The following GPHN variants were observed in gnomAD, a reference collection of about 807,000 sequenced individuals.
The protein encoded by GPHN is gephyrin.
In GPHN, 17 loss-of-function variants were observed where a neutral mutation model predicts 95.5. The observed-to-expected ratio is 0.18, with a 90% CI of 0.12 to 0.27. The LOEUF is 0.27. Ranked by LOEUF, GPHN falls within the 10% of genes least tolerant of loss-of-function variation. The pLI is 1.00. For missense variants in GPHN, 660 were observed against 978.1 expected (o/e 0.67, Z 4.34); for synonymous variants, 320 against 322.5 (o/e 0.99, Z 0.08).
At chr14:67,155,131 A>G (rs991138643) in intron 18 of GPHN, among the ~76,000 whole-genome samples, 6 of 152,182 alleles carry the variant, frequency 3.9e-5, no homozygotes, top group Admixed American at 3.3e-4. Context: ...AGGACCTGTT[A>G]TAGAGGAGGG....
intron 1 of GPHN, among the ~76,000 whole-genome samples, chr14:66,653,410 A>G (rs80326348): frequency 6.6e-6 from 1 of 152,292 alleles, no homozygotes; most frequent in African/African-American, 2.4e-5. Flanking sequence ...ATGTGGTTAA[A>G]ATATTTTCTA....
chr14:67,630,618 C>T, the GPHN span, among the ~76,000 whole-genome samples: 3 of 152,268 alleles, frequency 2.0e-5, no homozygotes, highest in Non-Finnish European at 4.4e-5. Flanking sequence ...CTCGCTCTGT[C>T]GCCCAGGCTG....
chr14:67,110,807 A>G (rs530014517), intron 14 of GPHN, among the ~76,000 whole-genome samples: 25 of 152,310 alleles, frequency 1.6e-4, no homozygotes, highest in African/African-American at 5.5e-4. Context: ...TAAGTCTGGA[A>G]AAAGCTGTGC....
the GPHN span, among the ~76,000 whole-genome samples, chr14:67,724,746 C>T: frequency 6.6e-6 from 1 of 152,194 alleles, no homozygotes; most frequent in Non-Finnish European, 1.5e-5. Flanking sequence ...GTGACACCAA[C>T]TTACACTGTG....
chr14:67,597,929 A>G, the GPHN span, among the ~76,000 whole-genome samples: 34 of 152,300 alleles, frequency 2.2e-4, no homozygotes, highest in Admixed American at 7.8e-4. Context: ...TGGAACTTTA[A>G]TAGAACTGTG....
the GPHN span, chr14:67,349,140 C>A: frequency 1.3e-6 from 2 of 1,595,770 alleles, no homozygotes; most frequent in South Asian, 2.2e-5. Flanking sequence ...TTAGCAGACT[C>A]TTCAGAAATA....
intron 2 of GPHN, among the ~76,000 whole-genome samples, chr14:66,760,133 C>T (rs185716910): frequency 7.2e-5 from 11 of 152,174 alleles, no homozygotes; most frequent in South Asian, 4.1e-4. Context: ...CCATTTCCCC[C>T]GGTAGAATGT....
chr14:67,347,140 C>T, the GPHN span, among the ~76,000 whole-genome samples: 1 of 152,096 alleles, frequency 6.6e-6, no homozygotes, highest in African/African-American at 2.4e-5. Flanking sequence ...CGTGCCACCA[C>T]ACCTGGCTGA....
At chr14:67,309,618 C>T in the GPHN span, among the ~76,000 whole-genome samples, 1 of 152,146 alleles carries the variant, frequency 6.6e-6, no homozygotes, top group African/African-American at 2.4e-5. Flanking sequence ...GGAAAAGCAT[C>T]TCTGGGTGAT....
At chr14:67,172,490 A>G (rs1378387920) in intron 21 of GPHN, among the ~76,000 whole-genome samples, 1 of 152,138 alleles carries the variant, frequency 6.6e-6, no homozygotes, top group Non-Finnish European at 1.5e-5. Flanking sequence ...AGCCACCCAG[A>G]ACAGCCATGT....
chr14:66,578,502 T>C (rs2060997908), intron 1 of GPHN, among the ~76,000 whole-genome samples: 1 of 151,620 alleles, frequency 6.6e-6, no homozygotes, highest in Non-Finnish European at 1.5e-5. Context: ...GAAACAATGC[T>C]ACAATAAGAC....
the GPHN span, among the ~76,000 whole-genome samples, chr14:67,290,482 G>T: frequency 9.2e-5 from 14 of 152,062 alleles, no homozygotes; most frequent in East Asian, 2.7e-3. Flanking sequence ...GGCCCCAGTG[G>T]ATTCTCCCAC....
the GPHN span, chr14:67,364,717 T>C: frequency 6.6e-7 from 1 of 1,518,768 alleles, no homozygotes; most frequent in African/African-American, 1.4e-5. Flanking sequence ...ATTTTTTTTT[T>C]ATTTTCACCT....
chr14:66,825,683 A>G (rs1010661138), intron 4 of GPHN, among the ~76,000 whole-genome samples: 1 of 152,174 alleles, frequency 6.6e-6, no homozygotes, highest in Non-Finnish European at 1.5e-5. Flanking sequence ...CTATTCCTCT[A>G]TATAAAAACC....
chr14:67,306,076 T>C, the GPHN span, among the ~76,000 whole-genome samples: 1 of 152,072 alleles, frequency 6.6e-6, no homozygotes, highest in African/African-American at 2.4e-5. Context: ...GTCAAGCAGT[T>C]CTCCTGCTTC....
At chr14:67,633,104 G>T in the GPHN span, among the ~76,000 whole-genome samples, 3 of 152,148 alleles carry the variant, frequency 2.0e-5, no homozygotes, top group Non-Finnish European at 4.4e-5. Flanking sequence ...ACAGGCGTGA[G>T]CCACTGCGCC....
At chr14:67,635,651 C>G in the GPHN span, among the ~76,000 whole-genome samples, 1 of 152,138 alleles carries the variant, frequency 6.6e-6, no homozygotes, top group Non-Finnish European at 1.5e-5. Flanking sequence ...GTCAGGAGTT[C>G]CAGACCAGTC....
chr14:67,526,049 C>A, the GPHN span, among the ~76,000 whole-genome samples: 1 of 152,202 alleles, frequency 6.6e-6, no homozygotes, highest in Non-Finnish European at 1.5e-5. Context: ...ATATATGAGA[C>A]CTGTCTGTCA....
At chr14:66,642,609 G>T (rs2064486397) in intron 1 of GPHN, among the ~76,000 whole-genome samples, 2 of 148,192 alleles carry the variant, frequency 1.3e-5, no homozygotes, top group African/African-American at 5.1e-5. Flanking sequence ...GAGCTAACCT[G>T]GATTTCTGAC....
Sources: allele counts gnomAD v4.1 joint callset (sites outside exome capture counted in the v4.1 genomes callset), GRCh38; gene constraint gnomAD v4.1.1; transcripts MANE v1.5; gene names NCBI Gene and HGNC (gene_info 2026-07-23, HGNC 2026-07-21).